The following ZNF558 variants were observed in gnomAD, a reference collection of about 807,000 sequenced individuals.
ZNF558 encodes zinc finger protein 558.
Under a neutral mutation model 37.6 loss-of-function variants are expected in ZNF558, and 23 were observed. The ratio of observed to expected loss-of-function variants is 0.61; its 90% confidence interval spans 0.44 to 0.87. The LOEUF is 0.87. ZNF558 is among the 40% of genes least tolerant of loss of function. The pLI is 0.00. For missense variants in ZNF558, 429 were observed against 483.7 expected, an observed-to-expected ratio of 0.89 and a Z score of 1.06; for synonymous variants, 189 against 174.4, an observed-to-expected ratio of 1.08 and a Z score of -0.66.
intron 2 of ZNF558, among the ~76,000 whole-genome samples, chr19:8,826,802 T>C (rs1021707870): frequency 2.0e-5 from 3 of 152,236 alleles, no homozygotes; most frequent in Admixed American, 6.5e-5. Flanking sequence ...CCTGAATTTG[T>C]GGTAGTTTGT....
rs565876130 is a variant in ZNF558, at chr19:8,808,413, C to T, written c.*2868G>A. On this transcript the variant is annotated 3_prime_UTR_variant, in exon 10 of 10. Transcript: ENST00000601372. Reference sequence around the variant, plus strand: ...TCCACATAAAAAGGAATACAGAATACCTAATCCTGTATGCATCTAGTTACA... The same window carrying T: ...TCCACATAAAAAGGAATACAGAATATCTAATCCTGTATGCATCTAGTTACA... 1 of 111,596 alleles carries T rather than the reference C, an allele frequency of 9.0e-6. No individual in the cohort carries two copies. Among genetic ancestry groups the T allele is most frequent in the African/African-American group, 3.5e-5 (1 of 28,594 alleles). The allele number at this position is 111,596 out of a possible 1,614,324, so 6.9% of individuals were successfully genotyped here. A position where few individuals can be genotyped will look rare whatever the true frequency, so the allele number is the denominator to read the frequency against.
intron 7 of ZNF558, among the ~76,000 whole-genome samples, chr19:8,815,072 A>G (rs2043899043): frequency 6.6e-6 from 1 of 152,158 alleles, no homozygotes; most frequent in Non-Finnish European, 1.5e-5. Flanking sequence ...TTTCAACAAA[A>G]TAATTATGAG....
intron 2 of ZNF558, among the ~76,000 whole-genome samples, chr19:8,826,542 C>T (rs915173174): frequency 2.0e-5 from 3 of 152,024 alleles, no homozygotes; most frequent in African/African-American, 4.8e-5. Context: ...CTATGAGAAT[C>T]GAATGCTGCC....
upstream of ZNF558, among the ~76,000 whole-genome samples, chr19:8,837,146 A>G (rs113465914): frequency 5.3e-5 from 8 of 152,344 alleles, no homozygotes; most frequent in African/African-American, 1.7e-4. Flanking sequence ...AGCAGCATTG[A>G]TAAGTACCAG....
At chr19:8,820,857 T>C (rs1256811814) in intron 7 of ZNF558, among the ~76,000 whole-genome samples, 3 of 152,152 alleles carry the variant, frequency 2.0e-5, no homozygotes, top group Non-Finnish European at 2.9e-5. Context: ...ATTTATATGA[T>C]ATGTTCTGGA....
chr19:8,835,363 CAA>C (rs1722524450), upstream of ZNF558, among the ~76,000 whole-genome samples: 1 of 152,006 alleles, frequency 6.6e-6, no homozygotes. Context: ...GAAAAATGAA[CAA>C]AGAGTTCGAA....
At chr19:8,834,075 G>C (rs184487090), upstream of ZNF558, among the ~76,000 whole-genome samples, 78 of 152,170 alleles carry the variant, frequency 5.1e-4, no homozygotes, top group Non-Finnish European at 8.2e-4. Flanking sequence ...GTAAGAGAGT[G>C]GTAACATTTA....
intron 7 of ZNF558, among the ~76,000 whole-genome samples, chr19:8,816,615 G>A (rs944390997): frequency 2.5e-4 from 38 of 152,170 alleles, no homozygotes; most frequent in African/African-American, 8.2e-4. Context: ...AACAAAGACT[G>A]AGTGTTTGTC....
rs181545848 is a variant in ZNF558 at position 8,830,050 on chromosome 19, G to C, written c.-509+1268C>G. ...TATGTGTCAGAGGAGGGTCCTGGTA[G>C]GAGGTGACTGAATCATGGGGGCGGA... On this transcript the variant is annotated intron_variant, in intron 2 of 9. Transcript: ENST00000601372. 2.0e-3 allele frequency among the ~76,000 whole-genome samples: 306 copies of C among 152,216 alleles called. 2 individuals are homozygous for C. The highest frequency in any genetic ancestry group is 6.7e-3 in the African/African-American group (277 of 41,524).
At chr19:8,814,732 G>A (rs2043887514) in intron 7 of ZNF558, among the ~76,000 whole-genome samples, 2 of 152,182 alleles carry the variant, frequency 1.3e-5, no homozygotes, top group South Asian at 4.1e-4. Flanking sequence ...CACGTAAAGA[G>A]ACTAGAAGTT....
chr19:8,827,932 G>A (rs1599293520), intron 2 of ZNF558, among the ~76,000 whole-genome samples: 1 of 152,096 alleles, frequency 6.6e-6, no homozygotes, highest in African/African-American at 2.4e-5. Flanking sequence ...CAGGGAGCGT[G>A]GCAGCCTCTC....
chr19:8,832,666 G>A (rs2910366), upstream of ZNF558: 94,750 of 152,202 alleles, frequency 0.62, 30,363 homozygotes, highest in Middle Eastern at 0.78. Context: ...GGGCGAGGCT[G>A]ATTGGGCAGA....
chr19:8,812,732 G>T, intron 8 of ZNF558, 89 bp from the exon 9 acceptor site: 1 of 734,130 alleles, frequency 1.4e-6, no homozygotes, highest in African/African-American at 1.8e-5. Context: ...GAGGGATCAG[G>T]GTTTTTGAGG....
chr19:8,822,118 G>T lies in ZNF558; in HGVS notation c.32-27C>A. ...TGGAGGAGGAGAAATGAGTCCCATGGATTCAGGCTTGTCTGACACCCACAG... is the reference window on the plus strand; with the variant it reads ...TGGAGGAGGAGAAATGAGTCCCATGTATTCAGGCTTGTCTGACACCCACAG... On this transcript the variant is annotated intron_variant, in intron 5 of 9. Coordinates refer to ENST00000601372, the MANE Select transcript of ZNF558 (RefSeq NM_144693.3). This position sits in a 1 kb window ranked among gnomAD's most constrained non-coding sequence, Gnocchi z 4.4. 6.2e-7 allele frequency: 1 copy of T among 1,613,474 alleles called. No homozygotes were observed. The highest frequency in any genetic ancestry group is 8.5e-7 in the Non-Finnish European group (1 of 1,179,636).
chr19:8,828,984 G>A (rs1026505035), intron 2 of ZNF558, among the ~76,000 whole-genome samples: 10 of 147,788 alleles, frequency 6.8e-5, no homozygotes, highest in Non-Finnish European at 1.3e-4. Context: ...AAAAAAGGCC[G>A]GGTGTGGTGG....
Position 8,809,403 on chromosome 19 carries a change from C to T in ZNF558, c.*1878G>A, listed in dbSNP as rs1035430321. On this transcript the variant is annotated 3_prime_UTR_variant, in exon 10 of 10. Transcript: ENST00000601372. ...GAAAAACTATAAGATTGAGAACTTT[C>T]GATATTGTTCACAGACAACTTGAAC... 5.9e-5 allele frequency: 9 copies of T among 152,124 alleles called. No homozygotes were observed. The highest frequency in any genetic ancestry group is 1.2e-4 in the African/African-American group (5 of 41,418). The allele number at this position is 152,124 out of a possible 1,614,324, so 9.4% of individuals were successfully genotyped here. A position where few individuals can be genotyped will look rare whatever the true frequency, so the allele number is the denominator to read the frequency against.
At chr19:8,832,573 G>GGGGCGGGGCTGGTTGT (rs2044389474), upstream of ZNF558, 4 of 153,240 alleles carry the variant, frequency 2.6e-5, no homozygotes. Context: ...ACGAGGCCTG[G>GGGGCGGGGCTGGTTGT]GGGCGGGGCT....
At chr19:8,825,730 G>A (rs906404940) in intron 2 of ZNF558, among the ~76,000 whole-genome samples, 15 of 152,038 alleles carry the variant, frequency 9.9e-5, no homozygotes, top group Non-Finnish European at 1.8e-4. Context: ...GGGTGAGTTC[G>A]GGTTCCGTCA....
intron 3 of ZNF558, 102 bp from the exon 4 acceptor site, chr19:8,824,519 T>G (rs774544916): frequency 6.6e-6 from 1 of 152,242 alleles, no homozygotes; most frequent in South Asian, 2.1e-4. Context: ...ATCATCTCAT[T>G]TTCAGCAGAC....
Sources: gnomAD v4.1 joint callset for allele counts (sites outside exome capture counted in the v4.1 genomes callset) on GRCh38, gnomAD v4.1.1 for gene constraint, Gnocchi (gnomAD v3.1) non-coding constraint, MANE v1.5 for transcripts, NCBI Gene and HGNC (gene_info 2026-07-23, HGNC 2026-07-21) for gene names.